The following AGBL4 variants were observed in gnomAD, a reference collection of about 807,000 sequenced individuals.
The protein encoded by AGBL4 is cytosolic carboxypeptidase 6.
A neutral mutation model predicts 66.4 loss-of-function variants in AGBL4; 58 were observed. That is an observed-to-expected ratio of 0.87 (90% CI 0.71 to 1.09). AGBL4 has a LOEUF of 1.09. Ranked by LOEUF, AGBL4 falls within the 50% of genes least tolerant of loss-of-function variation. The probability of loss-of-function intolerance (pLI) is 0.00; values close to 1 mark genes in which losing one functional copy is unlikely to be tolerated. For synonymous variants in AGBL4, 234 were observed against 222.9 expected (o/e 1.05, Z -0.44); for missense variants, 579 against 631.0 (o/e 0.92, Z 0.88).
At chr1:49,870,883 C>T (rs927554975) in intron 1 of AGBL4, among the ~76,000 whole-genome samples, 35 of 151,962 alleles carry the variant, frequency 2.3e-4, no homozygotes, top group Non-Finnish European at 4.6e-4. Flanking sequence ...ATATTGGAAC[C>T]TTTGTGCATT....
intron 1 of AGBL4, among the ~76,000 whole-genome samples, chr1:49,921,516 G>A (rs1216168459): frequency 1.3e-5 from 2 of 152,050 alleles, no homozygotes; most frequent in African/African-American, 4.8e-5. Flanking sequence ...CGATCACAAG[G>A]CAAAGTCCCA....
At chr1:48,957,638 T>C (rs1657594084) in intron 5 of AGBL4, among the ~76,000 whole-genome samples, 1 of 152,192 alleles carries the variant, frequency 6.6e-6, no homozygotes, top group African/African-American at 2.4e-5. Context: ...CACAAGGCTG[T>C]CCCACAGCTG....
chr1:49,370,157 T>TATATATAATATATA (rs1215885443), intron 3 of AGBL4, among the ~76,000 whole-genome samples: 1 of 147,362 alleles, frequency 6.8e-6, no homozygotes, highest in Non-Finnish European at 1.5e-5. Flanking sequence ...ATATATATAT[T>TATATATAATATATA]ATATATAATA....
At chr1:48,700,255 C>T (rs1251297598) in intron 6 of AGBL4, among the ~76,000 whole-genome samples, 1 of 152,218 alleles carries the variant, frequency 6.6e-6, no homozygotes, top group Non-Finnish European at 1.5e-5. Context: ...GTCTGTAGGG[C>T]AGTTCCTGAA....
intron 3 of AGBL4, among the ~76,000 whole-genome samples, chr1:49,551,780 G>A (rs769988446): frequency 6.6e-5 from 10 of 152,342 alleles, no homozygotes; most frequent in East Asian, 1.9e-4. Flanking sequence ...GCCTCCTGCC[G>A]GTAGGTAGTG....
At chr1:49,225,856 A>C (rs987031455) in intron 4 of AGBL4, among the ~76,000 whole-genome samples, 1 of 152,194 alleles carries the variant, frequency 6.6e-6, no homozygotes, top group Non-Finnish European at 1.5e-5. Flanking sequence ...GTAGTGTCTG[A>C]GCTACAGTAA....
rs144368023 is a variant in AGBL4 at position 49,765,937 on chromosome 1, T to C, written c.158-68500A>G. Among the ~76,000 whole-genome samples the C allele has an allele frequency of 5.3e-3, 813 of 152,246 alleles. 5 individuals are homozygous for C. The highest frequency in any genetic ancestry group is 0.031 in the Middle Eastern group (9 of 294). On this transcript the variant is annotated intron_variant, in intron 2 of 13. Coordinates refer to ENST00000371839, the MANE Select transcript of AGBL4 (RefSeq NM_032785.4). ...AGAATCTTTGAGAAATATGGAATTA[T>C]GTAAAGTGATGAAATCTATGAATTA...
At chr1:49,875,840 A>T (rs1349654826) in intron 1 of AGBL4, among the ~76,000 whole-genome samples, 1 of 145,084 alleles carries the variant, frequency 6.9e-6, no homozygotes, top group Non-Finnish European at 1.5e-5. Flanking sequence ...CTTTTTAATG[A>T]TTGCCATTCT....
intron 4 of AGBL4, among the ~76,000 whole-genome samples, chr1:49,180,403 CTG>C (rs1258751071): frequency 2.0e-5 from 3 of 152,164 alleles, no homozygotes; most frequent in Non-Finnish European, 4.4e-5. Flanking sequence ...ATAGCAATAA[CTG>C]TCATTTATCT....
intron 3 of AGBL4, among the ~76,000 whole-genome samples, chr1:49,505,288 T>G (rs1205503874): frequency 6.6e-6 from 1 of 152,062 alleles, no homozygotes; most frequent in East Asian, 1.9e-4. Flanking sequence ...TATTTTAGTA[T>G]TCTGAATTTG....
At chr1:49,615,098 C>A (rs567407977) in intron 3 of AGBL4, among the ~76,000 whole-genome samples, 1 of 152,160 alleles carries the variant, frequency 6.6e-6, no homozygotes, top group East Asian at 1.9e-4. Flanking sequence ...GTTAACAGTC[C>A]AAATCTTATA....
intron 1 of AGBL4, among the ~76,000 whole-genome samples, chr1:50,018,584 G>A (rs1662167462): frequency 6.6e-6 from 1 of 152,018 alleles, no homozygotes; most frequent in African/African-American, 2.4e-5. Context: ...AGAAAGCTGT[G>A]ATTTTATTTA....
At chr1:48,741,967 T>C (rs1649981498) in intron 6 of AGBL4, among the ~76,000 whole-genome samples, 1 of 152,224 alleles carries the variant, frequency 6.6e-6, no homozygotes, top group Admixed American at 6.5e-5. Flanking sequence ...ATCATGTGAC[T>C]TTAAGATTTT....
intron 5 of AGBL4, among the ~76,000 whole-genome samples, chr1:48,911,735 A>G (rs969078143): frequency 6.6e-6 from 1 of 152,154 alleles, no homozygotes; most frequent in Non-Finnish European, 1.5e-5. Flanking sequence ...GCACTCATAT[A>G]TGGTAGTTAC....
intron 3 of AGBL4, among the ~76,000 whole-genome samples, chr1:49,516,655 G>A (rs1476585924): frequency 6.6e-6 from 1 of 151,966 alleles, no homozygotes; most frequent in East Asian, 1.9e-4. Flanking sequence ...AACCAGGAGA[G>A]GATATGTGAT....
chr1:48,898,902 G>A (rs968679747), intron 5 of AGBL4, among the ~76,000 whole-genome samples: 1 of 152,132 alleles, frequency 6.6e-6, no homozygotes, highest in African/African-American at 2.4e-5. Flanking sequence ...CCAGGTACAC[G>A]CCCCCCGTCA....
At chr1:49,175,360 G>C (rs1339966790) in intron 4 of AGBL4, among the ~76,000 whole-genome samples, 1 of 151,950 alleles carries the variant, frequency 6.6e-6, no homozygotes, top group Non-Finnish European at 1.5e-5. Context: ...GAAAAGAAAG[G>C]AGATGATACA....
intron 3 of AGBL4, among the ~76,000 whole-genome samples, chr1:49,513,867 CTG>C (rs1337186773): frequency 1.3e-5 from 2 of 151,994 alleles, no homozygotes; most frequent in Non-Finnish European, 2.9e-5. Flanking sequence ...TTGCCAGACA[CTG>C]TGGTGGGCAT....
chr1:48,687,391 C>G (rs532020649), intron 6 of AGBL4, among the ~76,000 whole-genome samples: 1 of 152,062 alleles, frequency 6.6e-6, no homozygotes, highest in Non-Finnish European at 1.5e-5. Flanking sequence ...CCCGGTGGGC[C>G]GCGGGTGGGC....
Sources: allele counts gnomAD v4.1 joint callset (sites outside exome capture counted in the v4.1 genomes callset), GRCh38; gene constraint gnomAD v4.1.1; transcripts MANE v1.5; gene names NCBI Gene and HGNC (gene_info 2026-07-23, HGNC 2026-07-21).